MBP: variants seen among roughly 807,000 people sequenced by gnomAD.
The protein encoded by MBP is Golli-MBP.
MBP carries 16 observed loss-of-function variants against 35.8 expected under a neutral mutation model. That is an observed-to-expected ratio of 0.45 (90% confidence interval 0.30 to 0.68). The LOEUF (loss-of-function observed/expected upper bound fraction) is 0.68, where lower values mean the gene tolerates loss of function less well. Ranked by LOEUF, MBP falls within the 30% of genes least tolerant of loss-of-function variation. MBP has a pLI of 0.08. For synonymous variants in MBP, 143 were observed against 159.6 expected (o/e 0.90, Z 0.78); for missense variants, 380 against 404.7 (o/e 0.94, Z 0.52).
chr18:76,980,396 T>C lies in MBP; in HGVS notation c.*31A>G. 6.2e-7 allele frequency: 1 copy of C among 1,603,504 alleles called. No homozygotes were observed. Among genetic ancestry groups the C allele is most frequent in the Non-Finnish European group, 8.5e-7 (1 of 1,170,404 alleles). Reference sequence around the variant, plus strand: ...TTTTAAGGCAGTTATATTAAGAAGCTGAGGACAGGATTCCGGAACCAGGTG... The same window carrying C: ...TTTTAAGGCAGTTATATTAAGAAGCCGAGGACAGGATTCCGGAACCAGGTG... On this transcript the variant is annotated 3_prime_UTR_variant, in exon 9 of 9. Coordinates refer to ENST00000355994, the MANE Select transcript of MBP (RefSeq NM_001025101.2).
intron 1 of MBP, among the ~76,000 whole-genome samples, chr18:77,126,749 G>A (rs1416895994): frequency 2.0e-5 from 3 of 152,136 alleles, no homozygotes; most frequent in African/African-American, 4.8e-5. Flanking sequence ...CACAATAAAC[G>A]TGGAAACTGA....
At chr18:77,084,085 G>A (rs1975096089) in intron 2 of MBP, among the ~76,000 whole-genome samples, 1 of 151,930 alleles carries the variant, frequency 6.6e-6, no homozygotes, top group African/African-American at 2.4e-5. Context: ...TTATTGAAAG[G>A]GCATTTGGAA....
intron 3 of MBP, among the ~76,000 whole-genome samples, chr18:77,032,025 A>G (rs186167138): frequency 2.0e-5 from 3 of 152,142 alleles, no homozygotes; most frequent in African/African-American, 7.2e-5. Context: ...AGGTGAGGAG[A>G]GCTTGGGGCT....
At chr18:77,103,387 C>T (rs1276388366) in intron 2 of MBP, among the ~76,000 whole-genome samples, 4 of 152,130 alleles carry the variant, frequency 2.6e-5, no homozygotes, top group African/African-American at 4.8e-5. Context: ...CTTCAGCAGC[C>T]GGACATTCTA....
chr18:76,981,792 A>C (rs1969219242), intron 8 of MBP: 1 of 152,264 alleles, frequency 6.6e-6, no homozygotes, highest in South Asian at 2.1e-4. Context: ...TCCTGGCTTA[A>C]CTTGAACATC....
chr18:77,023,646 T>C (rs1239233469), intron 3 of MBP, among the ~76,000 whole-genome samples: 1 of 152,154 alleles, frequency 6.6e-6, no homozygotes, highest in African/African-American at 2.4e-5. Flanking sequence ...CTCTCTGCCA[T>C]TGGGTTCCCT....
intron 1 of MBP, among the ~76,000 whole-genome samples, chr18:77,106,876 A>C (rs146519164): frequency 2.6e-5 from 4 of 152,308 alleles, no homozygotes; most frequent in African/African-American, 9.6e-5. Context: ...AAAAACCTTG[A>C]AGGGGCATTC....
chr18:77,127,822 G>A (rs1002009758), intron 1 of MBP: 2 of 151,678 alleles, frequency 1.3e-5, no homozygotes, highest in Admixed American at 6.6e-5. Context: ...TAAACCATCA[G>A]GAGATATCAC....
chr18:77,014,717 A>T, intron 4 of MBP: 1 of 985,432 alleles, frequency 1.0e-6, no homozygotes, highest in Non-Finnish European at 1.2e-6. Context: ...GTGATAAAAT[A>T]GTTGAGTGGA....
At position 77,100,365 on chromosome 18, in the gene MBP, C is replaced by T. The variant is rs77505520; in HGVS notation, c.51+4846G>A. On this transcript the variant is annotated intron_variant, in intron 2 of 8. Coordinates refer to ENST00000355994, the MANE Select transcript of MBP (RefSeq NM_001025101.2). ...TTCTGGACTGTGACAGAAGAAATGT[C>T]GGTCTTTTAAGCCACCTAGTCTGCT... is the stretch of plus-strand genomic sequence containing the variant. Among the ~76,000 whole-genome samples the T allele has an allele frequency of 0.013, 1,920 of 152,292 alleles. 74 individuals carry two copies. In the South Asian group the frequency reaches 0.13, roughly 10 times the overall value.
At chr18:77,124,703 G>A (rs1976994612) in intron 1 of MBP, among the ~76,000 whole-genome samples, 1 of 152,154 alleles carries the variant, frequency 6.6e-6, no homozygotes, top group Non-Finnish European at 1.5e-5. Flanking sequence ...GCTGTTGAGC[G>A]GGCAGCCACA....
At chr18:77,027,860 A>T (rs555315429) in intron 3 of MBP, among the ~76,000 whole-genome samples, 54 of 151,218 alleles carry the variant, frequency 3.6e-4, no homozygotes, top group African/African-American at 1.3e-3. Flanking sequence ...CCAATTTTTA[A>T]TTTTTTTTTG....
rs150497179 is a variant in MBP, at chr18:77,082,459, C to T, written c.52-16074G>A. On this transcript the variant is annotated intron_variant, in intron 2 of 8. Transcript: ENST00000355994. ...CTTGGGTTGGGGAATAGGATGAGGT[C>T]GGGTGGGGTTGGGCAGTGGCTGCTC... is the stretch of plus-strand genomic sequence containing the variant. Among the ~76,000 whole-genome samples, 477 of 152,216 alleles carry T rather than the reference C, an allele frequency of 3.1e-3. 3 individuals carry two copies. The highest frequency in any genetic ancestry group is 0.011 in the African/African-American group (453 of 41,528).
rs1969716201 is a variant in MBP at position 76,988,729 on chromosome 18, G to A, written c.717+148C>T. ...GACAGGAGGGGTGCATGGATCTGCC[G>A]ACCTGTTCTACTTGGGAGCTGCCTG... On this transcript the variant is annotated intron_variant, in intron 6 of 8. Coordinates refer to ENST00000355994, the MANE Select transcript of MBP (RefSeq NM_001025101.2). This position sits in a 1 kb window ranked among gnomAD's most constrained non-coding sequence, Gnocchi z 5.2. 7.6e-7 allele frequency: 1 copy of A among 1,312,272 alleles called. No homozygotes were observed. The highest frequency in any genetic ancestry group is 1.1e-6 in the Non-Finnish European group (1 of 945,888). The allele number at this position is 1,312,272 out of a possible 1,614,324, so 81.3% of individuals were successfully genotyped here. A position where few individuals can be genotyped will look rare whatever the true frequency, so the allele number is the denominator to read the frequency against.
intron 4 of MBP, among the ~76,000 whole-genome samples, chr18:76,992,343 G>A (rs1969980361): frequency 6.6e-6 from 1 of 152,196 alleles, no homozygotes; most frequent in Admixed American, 6.5e-5. Flanking sequence ...TCTCCTATAG[G>A]AATCTGGTGC....
chr18:76,981,480 C>T (rs751465347), intron 8 of MBP: 4 of 152,250 alleles, frequency 2.6e-5, no homozygotes, highest in Non-Finnish European at 4.4e-5. Context: ...AGCTAACAGA[C>T]CAAGGTGACA....
At chr18:77,013,905 T>C in intron 4 of MBP, 1 of 985,414 alleles carries the variant, frequency 1.0e-6, no homozygotes. Flanking sequence ...AGGCTCTGCC[T>C]CGTGACACTC....
At chr18:77,093,098 G>C (rs547631443) in intron 2 of MBP, 1 of 55,332 alleles carries the variant, frequency 1.8e-5, no homozygotes, top group Non-Finnish European at 5.1e-5. Flanking sequence ...CATGCTGTGG[G>C]CAAAAGAACA....
chr18:76,991,836 CATTG>C (rs1969943803), intron 4 of MBP, among the ~76,000 whole-genome samples: 1 of 152,188 alleles, frequency 6.6e-6, no homozygotes, highest in Non-Finnish European at 1.5e-5. Flanking sequence ...GCTCTATGCA[CATTG>C]ATTGGGAGGA....
Sources: allele counts gnomAD v4.1 joint callset (sites outside exome capture counted in the v4.1 genomes callset), GRCh38; gene constraint gnomAD v4.1.1; non-coding constraint Gnocchi (gnomAD v3.1); transcripts MANE v1.5; gene names NCBI Gene and HGNC (gene_info 2026-07-23, HGNC 2026-07-21).